Variants in PRKAA2 observed in about 807,000 individuals in gnomAD.
PRKAA2 encodes protein kinase AMP-activated catalytic subunit alpha 2, also known as 5'-AMP-activated protein kinase catalytic subunit alpha-2.
In PRKAA2, 40 loss-of-function variants were observed where a neutral mutation model predicts 56.3. The observed-to-expected ratio is 0.71, with a 90% CI of 0.55 to 0.92. PRKAA2 has a LOEUF of 0.92. PRKAA2 is among the 40% of genes least tolerant of loss of function. The pLI is 0.00. For synonymous variants in PRKAA2, 214 were observed against 234.2 expected (o/e 0.91, Z 0.79); for missense variants, 542 against 686.9 (o/e 0.79, Z 2.36).
At chr1:56,680,979 G>A (rs1212868087) in intron 2 of PRKAA2, among the ~76,000 whole-genome samples, 1 of 152,182 alleles carries the variant, frequency 6.6e-6, no homozygotes, top group African/African-American at 2.4e-5. Context: ...CACCAACAGT[G>A]TAAAAGTGTT....
chr1:56,696,596 C>T (rs1229334255), intron 6 of PRKAA2, among the ~76,000 whole-genome samples: 4 of 152,038 alleles, frequency 2.6e-5, no homozygotes, highest in Non-Finnish European at 5.9e-5. Flanking sequence ...TCTTTGACTA[C>T]ACAATGCTAA....
chr1:56,692,257 C>A, intron 3 of PRKAA2, 101 bp from the exon 4 acceptor site: 1 of 1,423,934 alleles, frequency 7.0e-7, no homozygotes, highest in South Asian at 1.2e-5. Flanking sequence ...GTCTCAAACT[C>A]CTGACCTCAG....
Position 56,695,943 on chromosome 1 carries a change from C to T in PRKAA2, c.572C>T (p.Ala191Val), listed in dbSNP as rs1557560303. 1 of 1,611,982 alleles carries T rather than the reference C, an allele frequency of 6.2e-7. No individual in the cohort carries two copies. Among genetic ancestry groups the T allele is most frequent in the Non-Finnish European group, 8.5e-7 (1 of 1,179,412 alleles). ...APEVISGRLY[A>V]GPEVDIWSCG... ...GTCATCTTTTTTCTTAGATTGTATG[C>T]AGGTCCTGAAGTTGATATCTGGAGC... The change falls in exon 6 of 9, where the codon GCA becomes GTA. Residue 191 changes from alanine (A) to valine (V), a missense_variant. By Grantham distance (64) the Ala-to-Val change is moderately conservative. Transcript: ENST00000371244.
At chr1:56,699,518 A>G (rs1183591750) in intron 6 of PRKAA2, among the ~76,000 whole-genome samples, 2 of 152,216 alleles carry the variant, frequency 1.3e-5, no homozygotes, top group Admixed American at 6.5e-5. Flanking sequence ...CAGTTATTAC[A>G]AACAATTATG....
At chr1:56,689,087 A>G (rs1217895778) in intron 2 of PRKAA2, among the ~76,000 whole-genome samples, 1 of 152,146 alleles carries the variant, frequency 6.6e-6, no homozygotes, top group Non-Finnish European at 1.5e-5. Flanking sequence ...AATGGCAGCT[A>G]AATTTATTTA....
chr1:56,698,830 C>A (rs1171587931), intron 6 of PRKAA2, among the ~76,000 whole-genome samples: 1 of 152,156 alleles, frequency 6.6e-6, no homozygotes, highest in East Asian at 1.9e-4. Context: ...TATTTCACAT[C>A]TGCTCTGTGC....
chr1:56,677,572 C>G (rs1433854797), intron 2 of PRKAA2, among the ~76,000 whole-genome samples: 1 of 152,118 alleles, frequency 6.6e-6, no homozygotes, highest in African/African-American at 2.4e-5. Context: ...CTGTACAGTT[C>G]CCAGTTCCTA....
intron 1 of PRKAA2, among the ~76,000 whole-genome samples, chr1:56,660,061 A>T (rs1409756655): frequency 6.6e-6 from 1 of 152,180 alleles, no homozygotes; most frequent in Non-Finnish European, 1.5e-5. Flanking sequence ...TGCTTTCTTC[A>T]TGTATCATCA....
At chr1:56,666,854 A>G (rs908484008) in intron 1 of PRKAA2, among the ~76,000 whole-genome samples, 3 of 152,128 alleles carry the variant, frequency 2.0e-5, no homozygotes, top group African/African-American at 7.2e-5. Flanking sequence ...CAATTTTCCA[A>G]TTAGGTGCAT....
At chr1:56,665,560 G>A (rs1644029379) in intron 1 of PRKAA2, among the ~76,000 whole-genome samples, 1 of 152,158 alleles carries the variant, frequency 6.6e-6, no homozygotes, top group South Asian at 2.1e-4. Context: ...AAATCACTGA[G>A]TCATAGAGTA....
Position 56,707,352 on chromosome 1 carries a change from A to C in PRKAA2, c.1421-123A>C, listed in dbSNP as rs1489107425. 5 of 747,954 alleles carry C rather than the reference A, an allele frequency of 6.7e-6. No individual in the cohort carries two copies. In the African/African-American group the frequency reaches 8.8e-5, roughly 13 times the overall value. The allele number at this position is 747,954 out of a possible 1,614,324, so 46.3% of individuals were successfully genotyped here. A position where few individuals can be genotyped will look rare whatever the true frequency, so the allele number is the denominator to read the frequency against. On this transcript the variant is annotated intron_variant, in intron 8 of 8. Coordinates refer to ENST00000371244, the MANE Select transcript of PRKAA2 (RefSeq NM_006252.4). ...TGTTTCTACAACACAGAAACATGACATTCATTATTAAGTTGCCCTTGCTCA... is the reference window on the plus strand; with the variant it reads ...TGTTTCTACAACACAGAAACATGACCTTCATTATTAAGTTGCCCTTGCTCA...
chr1:56,689,932 ACACACT>A (rs1376915393), intron 2 of PRKAA2, among the ~76,000 whole-genome samples: 1 of 134,238 alleles, frequency 7.4e-6, no homozygotes, highest in Non-Finnish European at 1.6e-5. Context: ...ACACACACAC[ACACACT>A]CTTAATTTTT....
intron 5 of PRKAA2, among the ~76,000 whole-genome samples, chr1:56,695,156 A>C (rs1041635061): frequency 7.0e-5 from 10 of 142,106 alleles, no homozygotes; most frequent in African/African-American, 1.1e-4. Flanking sequence ...TGTTTTAAAT[A>C]TCTCTCTCTC....
At chr1:56,689,652 G>C (rs2100421427) in intron 2 of PRKAA2, among the ~76,000 whole-genome samples, 1 of 152,204 alleles carries the variant, frequency 6.6e-6, no homozygotes, top group East Asian at 1.9e-4. Flanking sequence ...CCAGGAGGTG[G>C]GGTGCGCAGT....
chr1:56,649,454 G>A (rs554171685), intron 1 of PRKAA2, among the ~76,000 whole-genome samples: 51 of 152,322 alleles, frequency 3.3e-4, no homozygotes, highest in African/African-American at 1.2e-3. Context: ...GACCAAGGCA[G>A]GAGGATCCCT....
rs1644382602 is a variant in PRKAA2, at chr1:56,713,508, A to G, written c.*5795A>G. On this transcript the variant is annotated 3_prime_UTR_variant, in exon 9 of 9. Transcript: ENST00000371244. The stretch of plus-strand genomic sequence containing the variant: ...TACGTTTGAAGTGTAATTAAATCCT[A>G]GAATAGAGCACTCTCCAGAAAAAAA... 6.6e-6 allele frequency: 1 copy of G among 152,108 alleles called. No individual in the cohort carries two copies. The highest frequency in any genetic ancestry group is 2.4e-5 in the African/African-American group (1 of 41,416). The allele number at this position is 152,108 out of a possible 1,614,324, so 9.4% of individuals were successfully genotyped here.
chr1:56,685,389 C>T (rs1644184088), intron 2 of PRKAA2, among the ~76,000 whole-genome samples: 1 of 152,062 alleles, frequency 6.6e-6, no homozygotes, highest in South Asian at 2.1e-4. Flanking sequence ...TATCTGATGG[C>T]CTGCACTTCA....
At chr1:56,684,807 G>A (rs1644179994) in intron 2 of PRKAA2, among the ~76,000 whole-genome samples, 1 of 152,108 alleles carries the variant, frequency 6.6e-6, no homozygotes, top group South Asian at 2.1e-4. Context: ...AGTAACTATA[G>A]GCAGGAGAGG....
intron 5 of PRKAA2, among the ~76,000 whole-genome samples, chr1:56,695,524 A>T (rs1644253766): frequency 6.6e-6 from 1 of 151,950 alleles, no homozygotes. Context: ...AGGGGTAGAA[A>T]TTCTATTATA....
Sources: gnomAD v4.1 joint callset for allele counts (sites outside exome capture counted in the v4.1 genomes callset) on GRCh38, gnomAD v4.1.1 for gene constraint, MANE v1.5 for transcripts, NCBI Gene and HGNC (gene_info 2026-07-23, HGNC 2026-07-21) for gene names.